The following TBC1D19 variants were observed in gnomAD, a reference collection of about 807,000 sequenced individuals.
TBC1D19 encodes the protein TBC1 domain family member 19.
In TBC1D19, 60 loss-of-function variants were observed where a neutral mutation model predicts 89.0. The observed-to-expected ratio is 0.67, with a 90% confidence interval of 0.55 to 0.84. TBC1D19 has a LOEUF of 0.84. Among genes scored for constraint, TBC1D19 ranks in the 40% least tolerant of loss-of-function variants. The pLI is 0.00. For synonymous variants in TBC1D19, 189 were observed against 199.7 expected, an observed-to-expected ratio of 0.95 and a Z score of 0.45; for missense variants, 500 against 610.8, an observed-to-expected ratio of 0.82 and a Z score of 1.91.
At chr4:26,848,368 G>A in the TBC1D19 span, among the ~76,000 whole-genome samples, 6 of 152,198 alleles carry the variant, frequency 3.9e-5, no homozygotes, top group African/African-American at 1.2e-4. Context: ...TCATAATCAT[G>A]TAGCCAATTT....
chr4:26,644,828 AC>A (rs1743804429), intron 7 of TBC1D19, among the ~76,000 whole-genome samples: 1 of 152,222 alleles, frequency 6.6e-6, no homozygotes, highest in African/African-American at 2.4e-5. Context: ...TACAATTGCT[AC>A]AAAGAGAATA....
At chr4:26,850,015 TGTAA>T in the TBC1D19 span, among the ~76,000 whole-genome samples, 1 of 152,174 alleles carries the variant, frequency 6.6e-6, no homozygotes, top group African/African-American at 2.4e-5. Context: ...GATCAGATAC[TGTAA>T]GTATCTCATT....
intron 13 of TBC1D19, among the ~76,000 whole-genome samples, chr4:26,699,500 G>A (rs188020803): frequency 0.013 from 1,936 of 152,112 alleles, 34 homozygotes; most frequent in African/African-American, 0.043. Context: ...TGACCCAGCC[G>A]TCCCATTACT....
chr4:26,711,841 T>G (rs947924087), intron 13 of TBC1D19, among the ~76,000 whole-genome samples: 1 of 152,102 alleles, frequency 6.6e-6, no homozygotes, highest in Non-Finnish European at 1.5e-5. Flanking sequence ...TCTCAGAAGT[T>G]AAAACAACTC....
chr4:26,839,120 T>C, the TBC1D19 span, among the ~76,000 whole-genome samples: 1 of 152,208 alleles, frequency 6.6e-6, no homozygotes, highest in African/African-American at 2.4e-5. Context: ...CATAGGGCTG[T>C]CAAATAGTTT....
chr4:26,730,146 G>T (rs193022662), intron 15 of TBC1D19, among the ~76,000 whole-genome samples: 1 of 152,162 alleles, frequency 6.6e-6, no homozygotes, highest in African/African-American at 2.4e-5. Context: ...GGAAATAAAA[G>T]GTTAAAAAAT....
chr4:26,581,266 G>A (rs956998832), upstream of TBC1D19, among the ~76,000 whole-genome samples: 17 of 152,218 alleles, frequency 1.1e-4, no homozygotes, highest in African/African-American at 3.6e-4. Context: ...GTGCAGGTTC[G>A]TTACATAGGT....
At chr4:26,831,066 C>T in the TBC1D19 span, among the ~76,000 whole-genome samples, 14 of 152,248 alleles carry the variant, frequency 9.2e-5, no homozygotes, top group East Asian at 2.5e-3. Context: ...TGGACATACA[C>T]GCAGACACAA....
chr4:26,713,006 G>A (rs1192368283), intron 13 of TBC1D19, among the ~76,000 whole-genome samples: 1 of 152,014 alleles, frequency 6.6e-6, no homozygotes, highest in East Asian at 1.9e-4. Flanking sequence ...ATCTTCGGGG[G>A]CCATTATGCT....
At chr4:26,656,175 C>T (rs1744788649) in intron 7 of TBC1D19, among the ~76,000 whole-genome samples, 1 of 151,954 alleles carries the variant, frequency 6.6e-6, no homozygotes, top group Admixed American at 6.6e-5. Flanking sequence ...CAATGTTATT[C>T]TACAGCAATA....
chr4:26,600,949 A>G (rs1317128385), intron 1 of TBC1D19, among the ~76,000 whole-genome samples: 1 of 152,210 alleles, frequency 6.6e-6, no homozygotes, highest in Non-Finnish European at 1.5e-5. Flanking sequence ...GTAATTCAAC[A>G]TATTTTAATT....
chr4:26,708,519 T>C (rs1391718625), intron 13 of TBC1D19, among the ~76,000 whole-genome samples: 2 of 152,072 alleles, frequency 1.3e-5, no homozygotes, highest in Non-Finnish European at 2.9e-5. Context: ...TTCATCAAAT[T>C]TGGGAAATTT....
rs1717944184 is a variant in TBC1D19 at position 26,735,066 on chromosome 4, ATG to A, written c.1085-387_1085-386del. 5.5e-5 allele frequency among the ~76,000 whole-genome samples: 8 copies of A among 144,166 alleles called. No homozygotes were observed. In the South Asian group the frequency reaches 1.7e-3, roughly 31 times the overall value. 94.6% of individuals were successfully genotyped at this position (144,166 alleles called of 152,430 possible). ...TGTACACACATGTATATATGTATAT[ATG>A]TATACACATGTATATATGTATACAC... On this transcript the variant is annotated intron_variant, in intron 15 of 20. Coordinates refer to ENST00000264866, the MANE Select transcript of TBC1D19 (RefSeq NM_018317.4).
chr4:26,724,039 T>C (rs1717143719), intron 15 of TBC1D19, among the ~76,000 whole-genome samples: 1 of 152,188 alleles, frequency 6.6e-6, no homozygotes, highest in Admixed American at 6.5e-5. Context: ...AGAGACAGAC[T>C]ATATGGAGTA....
At chr4:26,649,158 T>TA (rs1560444195) in intron 7 of TBC1D19, among the ~76,000 whole-genome samples, 1 of 151,708 alleles carries the variant, frequency 6.6e-6, no homozygotes, top group Non-Finnish European at 1.5e-5. Context: ...TAATTTTTTT[T>TA]AAACAAATAC....
At chr4:26,595,987 C>T (rs1740182384) in intron 1 of TBC1D19, among the ~76,000 whole-genome samples, 1 of 151,846 alleles carries the variant, frequency 6.6e-6, no homozygotes, top group Admixed American at 6.6e-5. Context: ...GAGAGAGTGT[C>T]ACTTTGTCGC....
At chr4:26,720,196 TTTC>T in intron 15 of TBC1D19, 71 bp downstream of exon 15, 2 of 1,175,900 alleles carry the variant, frequency 1.7e-6, no homozygotes, top group Non-Finnish European at 2.4e-6. Context: ...AAAATGTGAC[TTTC>T]TTATTCTCTT....
Position 26,623,768 on chromosome 4 carries a change from A to C in TBC1D19, c.294+3080A>C, listed in dbSNP as rs552019204. Among the ~76,000 whole-genome samples, 28 of 152,290 alleles carry C rather than the reference A, an allele frequency of 1.8e-4. No individual in the cohort carries two copies. In the South Asian group the frequency reaches 5.6e-3, roughly 30 times the overall value. On this transcript the variant is annotated intron_variant, in intron 4 of 20. Transcript: ENST00000264866. Reference sequence around the variant, plus strand: ...TCATTACCAAGGCTGTTACCATAGTAGTCACAATAATGATGATGATGGTGA... The same window carrying C: ...TCATTACCAAGGCTGTTACCATAGTCGTCACAATAATGATGATGATGGTGA...
intron 4 of TBC1D19, among the ~76,000 whole-genome samples, chr4:26,628,186 C>A (rs1350438317): frequency 6.6e-6 from 1 of 152,100 alleles, no homozygotes; most frequent in Non-Finnish European, 1.5e-5. Flanking sequence ...TGTCAAAGAT[C>A]AGATAGTTGT....
Sources: allele counts gnomAD v4.1 joint callset (sites outside exome capture counted in the v4.1 genomes callset), GRCh38; gene constraint gnomAD v4.1.1; transcripts MANE v1.5; gene names NCBI Gene and HGNC (gene_info 2026-07-23, HGNC 2026-07-21).